Variants in IFI44L observed in about 807,000 individuals in gnomAD.
IFI44L encodes the protein interferon-induced protein 44-like.
A neutral mutation model predicts 39.3 loss-of-function variants in IFI44L; 40 were observed. The observed-to-expected ratio is 1.02, with a 90% CI of 0.79 to 1.33. The LOEUF (loss-of-function observed/expected upper bound fraction) is 1.33, where lower values mean the gene tolerates loss of function less well. Among genes scored for constraint, IFI44L ranks in the 40% most tolerant of loss-of-function variants. The pLI, the probability that IFI44L is intolerant of heterozygous loss-of-function variation, is 0.00. For missense variants in IFI44L, 623 were observed against 549.0 expected (o/e 1.13, Z -1.35); for synonymous variants, 198 against 182.3 (o/e 1.09, Z -0.69).
chr1:78,631,039 AC>A (rs1652731183), intron 4 of IFI44L, among the ~76,000 whole-genome samples: 1 of 152,134 alleles, frequency 6.6e-6, no homozygotes, highest in African/African-American at 2.4e-5. Context: ...TAATAGAGAT[AC>A]TACTCAGGAC....
At chr1:78,640,995 A>T (rs765769423) in intron 6 of IFI44L, 26 bp from the exon 7 acceptor site, 2 of 1,492,126 alleles carry the variant, frequency 1.3e-6, no homozygotes, top group South Asian at 1.1e-5. Flanking sequence ...ATGATATAAA[A>T]TAACTGATTT....
chr1:78,631,294 A>G (rs1188509733), intron 4 of IFI44L: 1 of 152,156 alleles, frequency 6.6e-6, no homozygotes, highest in African/African-American at 2.4e-5. Context: ...TGTTCCTGAA[A>G]TTTTACAATG....
intron 4 of IFI44L, among the ~76,000 whole-genome samples, chr1:78,630,990 C>CAAA (rs1652729161): frequency 6.6e-6 from 1 of 152,070 alleles, no homozygotes; most frequent in African/African-American, 2.4e-5. Context: ...GAGACCAATG[C>CAAA]AGATAATAAA....
intron 6 of IFI44L, among the ~76,000 whole-genome samples, chr1:78,637,645 G>A (rs542823419): frequency 2.6e-5 from 4 of 151,924 alleles, no homozygotes; most frequent in African/African-American, 9.7e-5. Context: ...TTAACTCTTG[G>A]CAACCACTAA....
chr1:78,624,830 G>A (rs1318634582), intron 1 of IFI44L, among the ~76,000 whole-genome samples: 2 of 152,050 alleles, frequency 1.3e-5, no homozygotes, highest in Non-Finnish European at 2.9e-5. Flanking sequence ...ATTATATGAT[G>A]TCCTTCATAG....
intron 1 of IFI44L, chr1:78,627,040 C>G (rs17101954): frequency 0.024 from 3,665 of 152,074 alleles, 71 homozygotes; most frequent in East Asian, 0.094. Flanking sequence ...ATTTTTATCT[C>G]CCTAACTCTA....
At chr1:78,636,620 T>G in intron 5 of IFI44L, 1 of 154,038 alleles carries the variant, frequency 6.5e-6, no homozygotes, top group Middle Eastern at 3.3e-3. Context: ...AATAGCATTT[T>G]CAACATATTT....
rs1359225810 is a variant in IFI44L, at chr1:78,643,162, T to TTTTTTTTTTTTTTTTTTTTTGA, written c.*1353_*1354insTTTTTTTTTTTTTTTTTTTTGA. 188 of 151,800 alleles carry TTTTTTTTTTTTTTTTTTTTTGA rather than the reference T, an allele frequency of 1.2e-3. No individual in the cohort carries two copies. Among genetic ancestry groups the TTTTTTTTTTTTTTTTTTTTTGA allele is most frequent in the Non-Finnish European group, 2.0e-3 (134 of 67,866 alleles). 9.4% of individuals were successfully genotyped at this position (151,800 alleles called of 1,614,324 possible). A position where few individuals can be genotyped will look rare whatever the true frequency, so the allele number is the denominator to read the frequency against. The stretch of plus-strand genomic sequence containing the variant: ...ATATTAAGAAAGCAAGAGTTTCTTA[T>TTTTTTTTTTTTTTTTTTTTTGA]GTCCAGTTATGGAATATTTCCTAAA... On this transcript the variant is annotated 3_prime_UTR_variant, in exon 9 of 9. Transcript: ENST00000370751.
chr1:78,642,090 A>C lies in IFI44L; in HGVS notation c.*281A>C. The C allele has an allele frequency of 1.9e-6, 1 of 537,898 alleles. No homozygotes were observed. The highest frequency in any genetic ancestry group is 2.1e-5 in the South Asian group (1 of 47,240). The allele number at this position is 537,898 out of a possible 1,614,324, so 33.3% of individuals were successfully genotyped here. ...GGAAAAATGAGATATTCTCTAATTTATTCTTCTATAACACTCTATATAGAG... is the reference window on the plus strand; with the variant it reads ...GGAAAAATGAGATATTCTCTAATTTCTTCTTCTATAACACTCTATATAGAG... On this transcript the variant is annotated 3_prime_UTR_variant, in exon 9 of 9. Coordinates refer to ENST00000370751, the MANE Select transcript of IFI44L (RefSeq NM_006820.4).
In IFI44L at chr1:78,628,394, G is replaced by A. The variant is rs201991841; in HGVS notation, c.478+1G>A. 2.7e-6 allele frequency: 4 copies of A among 1,505,768 alleles called. No individual in the cohort carries two copies. The East Asian group carries it at 6.8e-5, about 26-fold the overall frequency. The allele number at this position is 1,505,768 out of a possible 1,614,324, so 93.3% of individuals were successfully genotyped here. A position where few individuals can be genotyped will look rare whatever the true frequency, so the allele number is the denominator to read the frequency against. Reference sequence around the variant, plus strand: ...GAATGTGAAGTTTTTCGAGTTGAAGGTTTGTAAAATTAGATAATCCTACAT... The same window carrying A: ...GAATGTGAAGTTTTTCGAGTTGAAGATTTGTAAAATTAGATAATCCTACAT... On this transcript the variant is annotated splice_donor_variant, in intron 2 of 8. Transcript: ENST00000370751. LOFTEE classifies it high-confidence loss of function.
intron 6 of IFI44L, among the ~76,000 whole-genome samples, chr1:78,640,341 T>C (rs1400712814): frequency 6.6e-6 from 1 of 152,078 alleles, no homozygotes; most frequent in Non-Finnish European, 1.5e-5. Context: ...AGGTATTAAT[T>C]GGCCAACTTT....
At position 78,634,985 on chromosome 1, in the gene IFI44L, A is replaced by ATT. The variant is rs1209456262; in HGVS notation, c.724-351_724-350dup. ...AAAAAGCATGGAGTCAAAACATACC[A>ATT]TTATATATATATATATGTGTGTGTG... On this transcript the variant is annotated intron_variant, in intron 4 of 8. Coordinates refer to ENST00000370751, the MANE Select transcript of IFI44L (RefSeq NM_006820.4). 8.0e-5 allele frequency among the ~76,000 whole-genome samples: 11 copies of ATT among 137,478 alleles called. No individual in the cohort carries two copies. The South Asian group carries it at 2.0e-3, about 25-fold the overall frequency. 90.2% of individuals were successfully genotyped at this position (137,478 alleles called of 152,430 possible).
At position 78,641,901 on chromosome 1, in the gene IFI44L, G is replaced by A; in HGVS notation, c.*92G>A. Reference sequence around the variant, plus strand: ...CTATTGACAGCCTGCTTCAGATTTTGCTTTTGTTCGTTTTGCCTTCTGTCC... The same window carrying A: ...CTATTGACAGCCTGCTTCAGATTTTACTTTTGTTCGTTTTGCCTTCTGTCC... On this transcript the variant is annotated 3_prime_UTR_variant, in exon 9 of 9. Coordinates refer to ENST00000370751, the MANE Select transcript of IFI44L (RefSeq NM_006820.4). 7.0e-7 allele frequency: 1 copy of A among 1,437,724 alleles called. No individual in the cohort carries two copies. The highest frequency in any genetic ancestry group is 1.1e-5 in the South Asian group (1 of 87,408). The allele number at this position is 1,437,724 out of a possible 1,614,324, so 89.1% of individuals were successfully genotyped here. A position where few individuals can be genotyped will look rare whatever the true frequency, so the allele number is the denominator to read the frequency against.
At chr1:78,632,416 G>T (rs938652295) in intron 4 of IFI44L, among the ~76,000 whole-genome samples, 1 of 152,192 alleles carries the variant, frequency 6.6e-6, no homozygotes, top group Non-Finnish European at 1.5e-5. Context: ...AATATTGCAT[G>T]ATGAAATGTG....
At position 78,628,409 on chromosome 1, in the gene IFI44L, T is replaced by C. The variant is rs3766329; in HGVS notation, c.478+16T>C. 1.1e-4 allele frequency: 148 copies of C among 1,303,686 alleles called. No individual in the cohort carries two copies. The East Asian group carries it at 3.3e-3, about 29-fold the overall frequency. 80.8% of individuals were successfully genotyped at this position (1,303,686 alleles called of 1,614,324 possible). ...CGAGTTGAAGGTTTGTAAAATTAGATAATCCTACATCTCACATTATGATTC... is the reference window on the plus strand; with the variant it reads ...CGAGTTGAAGGTTTGTAAAATTAGACAATCCTACATCTCACATTATGATTC... On this transcript the variant is annotated intron_variant, in intron 2 of 8. Coordinates refer to ENST00000370751, the MANE Select transcript of IFI44L (RefSeq NM_006820.4).
In IFI44L at chr1:78,635,490, G is replaced by A; in HGVS notation, c.876+1G>A. ...AGGTTGTATGCCAGACAGATATCAG[G>A]TAAGATTTCTTCAATATCCAAAACA... On this transcript the variant is annotated splice_donor_variant, in intron 5 of 8. Transcript: ENST00000370751. LOFTEE classifies it high-confidence loss of function. 1 of 1,608,624 alleles carries A rather than the reference G, an allele frequency of 6.2e-7. No homozygotes were observed. The highest frequency in any genetic ancestry group is 8.5e-7 in the Non-Finnish European group (1 of 1,178,092).
At chr1:78,623,464 T>A (rs1037993429) in intron 1 of IFI44L, among the ~76,000 whole-genome samples, 6 of 150,954 alleles carry the variant, frequency 4.0e-5, no homozygotes, top group South Asian at 2.1e-4. Flanking sequence ...AAATGTCTTT[T>A]CTGTATCTAT....
At chr1:78,633,996 T>C (rs1039943895) in intron 4 of IFI44L, among the ~76,000 whole-genome samples, 1 of 151,848 alleles carries the variant, frequency 6.6e-6, no homozygotes, top group Non-Finnish European at 1.5e-5. Context: ...TCTGTGAACT[T>C]AAAGGTAGGT....
chr1:78,635,363 A>G lies in IFI44L; in HGVS notation c.750A>G (p.Gly250=). ...ERYRIYSVKD[G]KNGKSLPFML... Reference sequence around the variant, plus strand: ...ATAGGATATATTCTGTTAAAGATGGAAAAAATGGAAAATCTCTGCCATTTA... The same window carrying G: ...ATAGGATATATTCTGTTAAAGATGGGAAAAATGGAAAATCTCTGCCATTTA... The change falls in exon 5 of 9, where the codon GGA becomes GGG. Residue 250 remains glycine (G), a synonymous_variant. Coordinates refer to ENST00000370751, the MANE Select transcript of IFI44L (RefSeq NM_006820.4). The G allele has an allele frequency of 6.2e-7, 1 of 1,609,940 alleles. No individual in the cohort carries two copies.
Sources: allele counts gnomAD v4.1 joint callset (sites outside exome capture counted in the v4.1 genomes callset), GRCh38; gene constraint gnomAD v4.1.1; transcripts MANE v1.5; gene names NCBI Gene and HGNC (gene_info 2026-07-23, HGNC 2026-07-21).